The following PTPRO variants were observed in gnomAD, a reference collection of about 807,000 sequenced individuals.
The protein encoded by PTPRO is receptor-type tyrosine-protein phosphatase O.
In PTPRO, 62 loss-of-function variants were observed where a neutral mutation model predicts 145.2. The observed-to-expected ratio is 0.43, with a 90% CI of 0.35 to 0.53. The LOEUF is 0.53. PTPRO is among the 20% of genes least tolerant of loss of function. PTPRO has a pLI of 0.01. For missense variants in PTPRO, 1,345 were observed against 1,482.7 expected (o/e 0.91, Z 1.53); for synonymous variants, 565 against 514.7 (o/e 1.10, Z -1.32).
At chr12:15,351,431 C>A (rs1165331487) in intron 1 of PTPRO, among the ~76,000 whole-genome samples, 1 of 152,110 alleles carries the variant, frequency 6.6e-6, no homozygotes, top group Non-Finnish European at 1.5e-5. Flanking sequence ...ATCAGTGTAT[C>A]CAGTCCTCTT....
intron 1 of PTPRO, among the ~76,000 whole-genome samples, chr12:15,455,405 G>A (rs544932787): frequency 1.3e-5 from 2 of 152,054 alleles, no homozygotes; most frequent in South Asian, 4.2e-4. Flanking sequence ...ACTTTGATAG[G>A]AAGTATGATA....
chr12:15,434,933 T>C (rs77479298), intron 1 of PTPRO, among the ~76,000 whole-genome samples: 4,421 of 152,304 alleles, frequency 0.029, 233 homozygotes, highest in African/African-American at 0.1. Flanking sequence ...AGTCAGACAA[T>C]TTCAGAATAA....
At chr12:15,516,713 G>C in intron 8 of PTPRO, 50 bp from the exon 9 acceptor site, 2 of 1,506,770 alleles carry the variant, frequency 1.3e-6, no homozygotes, top group Non-Finnish European at 9.2e-7. Context: ...CCATTGCTAA[G>C]ACATTCCTTC....
chr12:15,549,362 T>G, intron 14 of PTPRO, 136 bp downstream of exon 14: 306 of 514,466 alleles, frequency 5.9e-4, no homozygotes, highest in Middle Eastern at 1.8e-3. Context: ...CAAAGTGCAC[T>G]TACTAGCTAT....
chr12:15,398,221 T>C (rs1939395809), intron 1 of PTPRO, among the ~76,000 whole-genome samples: 2 of 152,202 alleles, frequency 1.3e-5, no homozygotes, highest in Non-Finnish European at 2.9e-5. Context: ...ATTGTGTCGG[T>C]AAAAGCGGTT....
chr12:15,442,015 C>A (rs1342388073), intron 1 of PTPRO, among the ~76,000 whole-genome samples: 2 of 152,048 alleles, frequency 1.3e-5, no homozygotes, highest in Admixed American at 1.3e-4. Context: ...CAGCATCAGG[C>A]CAATACCAAA....
chr12:15,346,346 T>C (rs1440553245), intron 1 of PTPRO: 2 of 152,220 alleles, frequency 1.3e-5, no homozygotes, highest in African/African-American at 4.8e-5. Flanking sequence ...AAAATGCTAC[T>C]TTATATGTTA....
rs370164792 is a variant in PTPRO at position 15,589,461 on chromosome 12, C to T, written c.3417C>T (p.Gly1139=). The change falls in exon 25 of 27, where the codon GGC becomes GGT. Residue 1139 remains glycine, a synonymous_variant. Transcript: ENST00000281171. ...KGPMIIHCSA[G]VGRTGTFIAL... is the part of the protein sequence containing the mutation. ...TCGGAACATTCTTTTGCAGTGCTGG[C>T]GTGGGACGGACAGGAACATTCATTG... is the stretch of plus-strand genomic sequence containing the variant. 2.2e-5 allele frequency: 35 copies of T among 1,613,804 alleles called. No homozygotes were observed. In the African/African-American group the frequency reaches 2.7e-4, roughly 12 times the overall value.
intron 1 of PTPRO, among the ~76,000 whole-genome samples, chr12:15,336,245 G>A (rs1866758395): frequency 6.6e-6 from 1 of 151,308 alleles, no homozygotes; most frequent in South Asian, 2.1e-4. Context: ...AAAAAAAAAG[G>A]TATAAAACTT....
chr12:15,526,064 AT>A, intron 11 of PTPRO, 77 bp from the exon 12 acceptor site: 1 of 1,544,020 alleles, frequency 6.5e-7, no homozygotes, highest in Non-Finnish European at 8.9e-7. Flanking sequence ...TGTGTCTGCT[AT>A]AGTCCTTTAG....
chr12:15,472,439 G>A (rs768928854), intron 1 of PTPRO, among the ~76,000 whole-genome samples: 2 of 152,138 alleles, frequency 1.3e-5, no homozygotes, highest in Non-Finnish European at 2.9e-5. Flanking sequence ...GGCGTGTCTT[G>A]GTCTTGGGTC....
chr12:15,447,417 T>A (rs1940929037), intron 1 of PTPRO, among the ~76,000 whole-genome samples: 1 of 152,144 alleles, frequency 6.6e-6, no homozygotes, highest in Non-Finnish European at 1.5e-5. Flanking sequence ...TTTGCCACCT[T>A]AGCTTTGAAT....
intron 1 of PTPRO, chr12:15,440,463 C>T: frequency 4.7e-6 from 1 of 214,908 alleles, no homozygotes; most frequent in Non-Finnish European, 9.1e-6. Flanking sequence ...CAAGGCTCAT[C>T]AGTCTGCTGT....
At position 15,566,766 on chromosome 12, in the gene PTPRO, C is replaced by T. The variant is rs371248315; in HGVS notation, c.2747+1138C>T. On this transcript the variant is annotated intron_variant, in intron 18 of 26. Coordinates refer to ENST00000281171, the MANE Select transcript of PTPRO (RefSeq NM_030667.3). ...GAACTCCTGACCTCATGTGATCCAC[C>T]CTCCTCAGCCTCCCAAAGTGCTGGG... Among the ~76,000 whole-genome samples, 37 of 152,232 alleles carry T rather than the reference C, an allele frequency of 2.4e-4. No homozygotes were observed. In the East Asian group the frequency reaches 2.7e-3, roughly 11 times the overall value.
At chr12:15,528,718 C>T (rs1248441925) in intron 12 of PTPRO, among the ~76,000 whole-genome samples, 2 of 151,842 alleles carry the variant, frequency 1.3e-5, no homozygotes, top group Non-Finnish European at 2.9e-5. Context: ...AAAATCACCC[C>T]AAAGCGTATA....
intron 1 of PTPRO, among the ~76,000 whole-genome samples, chr12:15,397,583 A>C (rs1348609137): frequency 6.6e-6 from 1 of 152,210 alleles, no homozygotes; most frequent in East Asian, 1.9e-4. Context: ...GAATATGGAC[A>C]TCCACAACCC....
chr12:15,538,635 G>A (rs966468883), intron 12 of PTPRO, among the ~76,000 whole-genome samples: 1 of 152,216 alleles, frequency 6.6e-6, no homozygotes, highest in African/African-American at 2.4e-5. Context: ...GGGACACATA[G>A]GGCAATGACT....
At chr12:15,433,548 AG>A (rs1940511867) in intron 1 of PTPRO, among the ~76,000 whole-genome samples, 1 of 152,144 alleles carries the variant, frequency 6.6e-6, no homozygotes, top group Non-Finnish European at 1.5e-5. Flanking sequence ...AGTGAAGGAA[AG>A]GGTCCAGTTT....
At chr12:15,504,910 T>C (rs1942291588) in intron 6 of PTPRO, among the ~76,000 whole-genome samples, 1 of 152,132 alleles carries the variant, frequency 6.6e-6, no homozygotes, top group Non-Finnish European at 1.5e-5. Flanking sequence ...ATGTTGAAAA[T>C]ATCCCATATA....
Sources: allele counts gnomAD v4.1 joint callset (sites outside exome capture counted in the v4.1 genomes callset), GRCh38; gene constraint gnomAD v4.1.1; transcripts MANE v1.5; gene names NCBI Gene and HGNC (gene_info 2026-07-23, HGNC 2026-07-21).